Variants in ZFP41 observed in about 807,000 individuals in gnomAD.
ZFP41 encodes the protein ZFP41 zinc finger protein, also known as zinc finger protein 41 homolog.
ZFP41 carries 10 observed loss-of-function variants against 11.6 expected under a neutral mutation model. The ratio of observed to expected loss-of-function variants is 0.86; its 90% CI spans 0.53 to 1.47. ZFP41 has a LOEUF of 1.47. Ranked by LOEUF, ZFP41 falls within the 40% of genes most tolerant of loss-of-function variation. The pLI, the probability that ZFP41 is intolerant of heterozygous loss-of-function variation, is 0.00. For synonymous variants in ZFP41, 123 were observed against 100.9 expected (o/e 1.22, Z -1.31); for missense variants, 302 against 264.6 (o/e 1.14, Z -0.98).
intron 2 of ZFP41, chr8:143,252,643 G>T (rs1284855911): frequency 3.0e-6 from 3 of 984,854 alleles, no homozygotes; most frequent in African/African-American, 1.7e-5. Flanking sequence ...TCCCAATGGG[G>T]GTAGGTAGGT....
intron 2 of ZFP41, among the ~76,000 whole-genome samples, chr8:143,257,446 A>G (rs1200443915): frequency 6.6e-6 from 1 of 152,192 alleles, no homozygotes; most frequent in Non-Finnish European, 1.5e-5. Context: ...GCAGTGAGCC[A>G]AGATCACGCC....
chr8:143,253,979 G>A (rs930391198), intron 2 of ZFP41, among the ~76,000 whole-genome samples: 5 of 152,084 alleles, frequency 3.3e-5, no homozygotes, highest in Non-Finnish European at 7.4e-5. Flanking sequence ...TAGATCCCTC[G>A]CATGCAGTTC....
At chr8:143,255,689 G>C in intron 2 of ZFP41, among the ~76,000 whole-genome samples, 1 of 130,452 alleles carries the variant, frequency 7.7e-6, no homozygotes, top group South Asian at 2.7e-4. Flanking sequence ...GTGAGATCAG[G>C]GCTCGCCCCG....
In ZFP41 at chr8:143,249,949, C is replaced by G. The variant is rs1308992152; in HGVS notation, c.106C>G (p.Pro36Ala). The G allele has an allele frequency of 1.9e-6, 3 of 1,614,034 alleles. No homozygotes were observed. The highest frequency in any genetic ancestry group is 2.5e-6 in the Non-Finnish European group (3 of 1,179,976). Residue 36 changes from proline (P) to alanine (A), a missense_variant, in exon 2 of 3, where the codon CCA becomes GCA. Pro to Ala is a conservative substitution (Grantham distance 27, BLOSUM62 -1). Coordinates refer to ENST00000330701, the MANE Select transcript of ZFP41 (RefSeq NM_173832.6). ...GGAGAAGGTGTCCGGGGACAGAAAGCCACCTGAGAGGCCCACTGTGCCCAG... is the reference window on the plus strand; with the variant it reads ...GGAGAAGGTGTCCGGGGACAGAAAGGCACCTGAGAGGCCCACTGTGCCCAG... ...REEKVSGDRK[P>A]PERPTVPRKP... is the part of the protein sequence containing the mutation.
chr8:143,257,581 G>A (rs1483853981), intron 2 of ZFP41, among the ~76,000 whole-genome samples: 1 of 152,214 alleles, frequency 6.6e-6, no homozygotes, highest in Non-Finnish European at 1.5e-5. Flanking sequence ...GGACAAAAGA[G>A]CTAAGAGTTG....
chr8:143,258,497 G>A (rs1814963463), intron 2 of ZFP41, among the ~76,000 whole-genome samples: 2 of 152,182 alleles, frequency 1.3e-5, no homozygotes, highest in South Asian at 4.1e-4. Context: ...AGCAAGAAGG[G>A]GAGGCCTCCT....
At chr8:143,255,938 C>T (rs1346170823) in intron 2 of ZFP41, among the ~76,000 whole-genome samples, 2 of 81,054 alleles carry the variant, frequency 2.5e-5, no homozygotes, top group Non-Finnish European at 4.6e-5. Flanking sequence ...GCTCGCCCCG[C>T]GTGCTGGTGT....
At position 143,250,467 on chromosome 8, in the gene ZFP41, C is replaced by T; in HGVS notation, c.*27C>T. 1.9e-6 allele frequency: 3 copies of T among 1,596,960 alleles called. No homozygotes were observed. The highest frequency in any genetic ancestry group is 2.2e-5 in the South Asian group (2 of 89,668). On this transcript the variant is annotated 3_prime_UTR_variant, in exon 2 of 3. Coordinates refer to ENST00000330701, the MANE Select transcript of ZFP41 (RefSeq NM_173832.6). ...CCGGGGCCATCTGCGGACTCGGGCCCTGCGGTGCGAGCCTCGCCGGACACC... is the reference window on the plus strand; with the variant it reads ...CCGGGGCCATCTGCGGACTCGGGCCTTGCGGTGCGAGCCTCGCCGGACACC...
chr8:143,257,023 G>A (rs1488277829), intron 2 of ZFP41, among the ~76,000 whole-genome samples: 1 of 152,240 alleles, frequency 6.6e-6, no homozygotes, highest in African/African-American at 2.4e-5. Flanking sequence ...TGACCCAGGT[G>A]AAAGATAAGA....
In ZFP41 at chr8:143,249,838, A is replaced by G. The variant is rs779221326; in HGVS notation, c.-6A>G. 6.3e-6 allele frequency: 10 copies of G among 1,581,276 alleles called. No individual in the cohort carries two copies. The highest frequency in any genetic ancestry group is 8.6e-6 in the Non-Finnish European group (10 of 1,167,922). ...CTTAGCCCTCACGCTTCCAAGGAAC[A>G]GAATGATGGAGAAGCCTGCAGGCAG... On this transcript the variant is annotated 5_prime_UTR_variant, in exon 2 of 3. Coordinates refer to ENST00000330701, the MANE Select transcript of ZFP41 (RefSeq NM_173832.6).
In ZFP41 at chr8:143,250,408, C is replaced by T; in HGVS notation, c.565C>T (p.His189Tyr). Residue 189 changes from histidine to tyrosine, a missense_variant, in exon 2 of 3, where the codon CAT becomes TAT. Transcript: ENST00000330701. ...AFAYSSCLIR[H>Y]QKRHPRKKP ...TGCCTACAGCTCCTGTCTCATCCGC[C>T]ATCAGAAACGCCACCCTCGGAAGAA... The T allele has an allele frequency of 1.9e-6, 3 of 1,612,064 alleles. No homozygotes were observed. Among genetic ancestry groups the T allele is most frequent in the Non-Finnish European group, 2.5e-6 (3 of 1,178,610 alleles).
At chr8:143,249,290 C>G (rs1245090787) in intron 1 of ZFP41, 1 of 153,042 alleles carries the variant, frequency 6.5e-6, no homozygotes, top group Non-Finnish European at 1.5e-5. Flanking sequence ...TGGAAGCACT[C>G]TCCACTGGGC....
Position 143,247,108 on chromosome 8 carries a change from G to T in ZFP41, c.-189G>T, listed in dbSNP as rs1816707084. ...GGCCCGGGCGCGTCCGCGCTCTGCA[G>T]CGGGAGGTCCTCGTCGCCTCTCGTC... On this transcript the variant is annotated 5_prime_UTR_variant, in exon 1 of 3. Coordinates refer to ENST00000330701, the MANE Select transcript of ZFP41 (RefSeq NM_173832.6). The T allele has an allele frequency of 6.6e-6, 1 of 152,422 alleles. No homozygotes were observed. The highest frequency in any genetic ancestry group is 1.5e-5 in the Non-Finnish European group (1 of 68,186). 9.4% of individuals were successfully genotyped at this position (152,422 alleles called of 1,614,324 possible). A position where few individuals can be genotyped will look rare whatever the true frequency, so the allele number is the denominator to read the frequency against.
At chr8:143,252,069 C>G (rs936475782) in intron 2 of ZFP41, among the ~76,000 whole-genome samples, 2 of 152,230 alleles carry the variant, frequency 1.3e-5, no homozygotes, top group African/African-American at 4.8e-5. Context: ...ATGGGCTGCA[C>G]TGACAGATGT....
Position 143,262,217 on chromosome 8 carries a change from A to G in ZFP41, c.*3343A>G, listed in dbSNP as rs3750213. The G allele has an allele frequency of 0.86, 139,627 of 162,854 alleles. 59,892 individuals carry two copies. The highest frequency in any genetic ancestry group is 0.91 in the South Asian group (5,981 of 6,572). 10.1% of individuals were successfully genotyped at this position (162,854 alleles called of 1,614,324 possible). On this transcript the variant is annotated 3_prime_UTR_variant, in exon 3 of 3. Transcript: ENST00000330701. Reference sequence around the variant, plus strand: ...GCTCCCGTGGCCACCGCTCAGCCAAATGGATTCAGCGAGGGTTTTTAGTGT... The same window carrying G: ...GCTCCCGTGGCCACCGCTCAGCCAAGTGGATTCAGCGAGGGTTTTTAGTGT...
intron 2 of ZFP41, among the ~76,000 whole-genome samples, chr8:143,258,538 G>A (rs927296006): frequency 1.3e-5 from 2 of 152,180 alleles, no homozygotes; most frequent in African/African-American, 4.8e-5. Flanking sequence ...GAGGTTCTTC[G>A]TTATCCCAGC....
intron 2 of ZFP41, chr8:143,252,775 T>A: frequency 3.7e-6 from 1 of 270,332 alleles, no homozygotes; most frequent in Non-Finnish European, 5.7e-6. Flanking sequence ...CCCACTGCCG[T>A]CAGCATGGGG....
chr8:143,257,793 G>A (rs868517134), intron 2 of ZFP41, among the ~76,000 whole-genome samples: 5 of 152,212 alleles, frequency 3.3e-5, no homozygotes, highest in Admixed American at 6.5e-5. Flanking sequence ...AGCCCAGCTC[G>A]AGGAGACACG....
intron 2 of ZFP41, among the ~76,000 whole-genome samples, chr8:143,254,058 G>A (rs1031840963): frequency 3.9e-5 from 6 of 152,282 alleles, no homozygotes; most frequent in Admixed American, 6.5e-5. Context: ...GAGCTTAGGC[G>A]GTAACGCTCA....
Sources: gnomAD v4.1 joint callset for allele counts (sites outside exome capture counted in the v4.1 genomes callset) on GRCh38, gnomAD v4.1.1 for gene constraint, MANE v1.5 for transcripts, NCBI Gene and HGNC (gene_info 2026-07-23, HGNC 2026-07-21) for gene names.